The following CACNA1C variants were observed in gnomAD, a reference collection of about 807,000 sequenced individuals.
CACNA1C encodes voltage-dependent L-type calcium channel subunit alpha-1C.
A neutral mutation model predicts 229.0 loss-of-function variants in CACNA1C; 30 were observed. The observed-to-expected ratio is 0.13, with a 90% confidence interval of 0.10 to 0.18. The LOEUF is 0.18. Ranked by LOEUF, CACNA1C falls within the 10% of genes least tolerant of loss-of-function variation. The pLI is 1.00. For missense variants in CACNA1C, 1,658 were observed against 2,845.0 expected, an observed-to-expected ratio of 0.58 and a Z score of 9.49; for synonymous variants, 1,114 against 1,132.5, an observed-to-expected ratio of 0.98 and a Z score of 0.33.
intron 3 of CACNA1C, among the ~76,000 whole-genome samples, chr12:2,431,043 G>A (rs1352098107): frequency 6.6e-6 from 1 of 152,178 alleles, no homozygotes; most frequent in African/African-American, 2.4e-5. Context: ...ATTGACGGGT[G>A]GCCATGGGCA....
intron 28 of CACNA1C, 51 bp downstream of exon 28, chr12:2,610,750 T>G: frequency 1.3e-6 from 2 of 1,597,224 alleles, no homozygotes; most frequent in Non-Finnish European, 1.7e-6. Flanking sequence ...GAGTGTGCCA[T>G]GGGGATGGAA....
chr12:2,012,488 C>A (rs2044613045), intron 1 of CACNA1C, among the ~76,000 whole-genome samples: 1 of 152,182 alleles, frequency 6.6e-6, no homozygotes, highest in Non-Finnish European at 1.5e-5. Context: ...TATTTACTAT[C>A]TAGTCCTTTA....
chr12:2,389,188 G>C (rs1261126917), intron 3 of CACNA1C, among the ~76,000 whole-genome samples: 3 of 152,108 alleles, frequency 2.0e-5, no homozygotes, highest in Non-Finnish European at 2.9e-5. Context: ...GGTGAACAGA[G>C]TCCCCTGTTC....
intron 9 of CACNA1C, among the ~76,000 whole-genome samples, chr12:2,525,503 C>T (rs913407155): frequency 1.3e-5 from 2 of 152,218 alleles, no homozygotes; most frequent in East Asian, 3.9e-4. Flanking sequence ...TTTGTCCTGC[C>T]TGCTCCTTGG....
At chr12:2,531,698 G>C (rs1320948015) in intron 9 of CACNA1C, among the ~76,000 whole-genome samples, 2 of 152,186 alleles carry the variant, frequency 1.3e-5, no homozygotes, top group Non-Finnish European at 1.5e-5. Flanking sequence ...CACGCATCCA[G>C]CAGCTGACTC....
chr12:2,549,409 G>A (rs148232792), intron 9 of CACNA1C, among the ~76,000 whole-genome samples: 113 of 152,322 alleles, frequency 7.4e-4, no homozygotes, highest in African/African-American at 2.4e-3. Flanking sequence ...GCTCCTGGGT[G>A]TAACCAACTG....
intron 3 of CACNA1C, among the ~76,000 whole-genome samples, chr12:2,179,537 A>C (rs186836406): frequency 1.4e-4 from 22 of 152,318 alleles, no homozygotes; most frequent in African/African-American, 4.8e-4. Context: ...CCGGGCTCTG[A>C]ATACTGAACA....
At chr12:2,136,258 G>T (rs2093473046) in intron 3 of CACNA1C, among the ~76,000 whole-genome samples, 1 of 151,386 alleles carries the variant, frequency 6.6e-6, no homozygotes, top group African/African-American at 2.4e-5. Flanking sequence ...CCCGTCTTCT[G>T]CGTCGGTCAC....
intron 1 of CACNA1C, among the ~76,000 whole-genome samples, chr12:2,058,891 T>C (rs939885861): frequency 6.6e-6 from 1 of 152,204 alleles, no homozygotes; most frequent in African/African-American, 2.4e-5. Context: ...TGTGTTTTAA[T>C]TCCTAGATGG....
At chr12:2,445,510 C>G (rs2099268883) in intron 3 of CACNA1C, among the ~76,000 whole-genome samples, 1 of 152,188 alleles carries the variant, frequency 6.6e-6, no homozygotes, top group Admixed American at 6.5e-5. Flanking sequence ...ACAAATGTTA[C>G]ATGGCATGGA....
In CACNA1C at chr12:2,688,680, C is replaced by T. The variant is rs368817423; in HGVS notation, c.6018C>T (p.Ser2006=). 4.9e-5 allele frequency: 79 copies of T among 1,613,038 alleles called. No individual in the cohort carries two copies. The African/African-American group carries it at 7.1e-4, about 14-fold the overall frequency. Reference sequence around the variant, plus strand: ...CCACCCCCGGTGGCGGGGGCAGCAGCGCCGCCCGGAGAGTCCGGCCCGTCT... The same window carrying T: ...CCACCCCCGGTGGCGGGGGCAGCAGTGCCGCCCGGAGAGTCCGGCCCGTCT... The part of the protein sequence containing the change: ...AETTPGGGGS[S]AARRVRPVSL... The change falls in exon 46 of 47, where the codon AGC becomes AGT. Residue 2006 remains serine (S), a synonymous_variant. Coordinates refer to ENST00000399655, the MANE Select transcript of CACNA1C (RefSeq NM_000719.7).
At chr12:2,538,155 A>T (rs1374097850) in intron 9 of CACNA1C, among the ~76,000 whole-genome samples, 1 of 152,158 alleles carries the variant, frequency 6.6e-6, no homozygotes, top group Non-Finnish European at 1.5e-5. Flanking sequence ...GCAGGCATTT[A>T]TGCCTCCTCC....
chr12:2,495,867 G>A lies in CACNA1C; in HGVS notation c.1113+2481G>A, dbSNP rs554663469. 1.1e-4 allele frequency among the ~76,000 whole-genome samples: 16 copies of A among 152,276 alleles called. 1 individual carries two copies. In the East Asian group the frequency reaches 1.7e-3, roughly 17 times the overall value. ...ATACACACACCTAAAACTGAAACTT[G>A]GGTATTCATGATAGAAGCCCTGCCT... is the stretch of plus-strand genomic sequence containing the variant. On this transcript the variant is annotated intron_variant, in intron 7 of 46. Coordinates refer to ENST00000399655, the MANE Select transcript of CACNA1C (RefSeq NM_000719.7).
chr12:2,299,413 G>A (rs778146625), intron 3 of CACNA1C, among the ~76,000 whole-genome samples: 1 of 152,182 alleles, frequency 6.6e-6, no homozygotes, highest in Non-Finnish European at 1.5e-5. Flanking sequence ...CTGCCCAGCT[G>A]TGTACCATTT....
intron 3 of CACNA1C, among the ~76,000 whole-genome samples, chr12:2,293,427 T>C (rs945135977): frequency 1.2e-4 from 19 of 152,236 alleles, no homozygotes; most frequent in African/African-American, 4.1e-4. Flanking sequence ...TTTTCAGCCC[T>C]GTGACTCCAT....
At chr12:2,190,859 C>G (rs1598571842) in intron 3 of CACNA1C, among the ~76,000 whole-genome samples, 1 of 152,326 alleles carries the variant, frequency 6.6e-6, no homozygotes, top group Admixed American at 6.5e-5. Flanking sequence ...GTGCCATCCT[C>G]TCAGGCCTTG....
intron 29 of CACNA1C, among the ~76,000 whole-genome samples, chr12:2,616,082 T>A (rs2080398875): frequency 1.3e-5 from 2 of 152,186 alleles, no homozygotes; most frequent in Admixed American, 6.5e-5. Flanking sequence ...GCCTTGACCC[T>A]GGCAGCTCTC....
At position 2,486,847 on chromosome 12, in the gene CACNA1C, C is replaced by T. The variant is rs1030154074; in HGVS notation, c.916+585C>T. On this transcript the variant is annotated intron_variant, in intron 6 of 46. Transcript: ENST00000399655. This position sits in a 1 kb window ranked among gnomAD's most constrained non-coding sequence, Gnocchi z 4.9. ...GGGCAGGTGGGAATCACCCCCTTGCCGGCAGCCAAACTTCCTCCCTTCAAG... is the reference window on the plus strand; with the variant it reads ...GGGCAGGTGGGAATCACCCCCTTGCTGGCAGCCAAACTTCCTCCCTTCAAG... Among the ~76,000 whole-genome samples the T allele has an allele frequency of 2.0e-5, 3 of 152,154 alleles. No individual in the cohort carries two copies. Among genetic ancestry groups the T allele is most frequent in the Non-Finnish European group, 2.9e-5 (2 of 68,014 alleles).
At chr12:2,062,664 A>G (rs1180518884) in intron 1 of CACNA1C, among the ~76,000 whole-genome samples, 3 of 151,984 alleles carry the variant, frequency 2.0e-5, no homozygotes, top group African/African-American at 4.8e-5. Context: ...CCTTATTCCC[A>G]GGGTTTCTGC....
Sources: gnomAD v4.1 joint callset for allele counts (sites outside exome capture counted in the v4.1 genomes callset) on GRCh38, gnomAD v4.1.1 for gene constraint, Gnocchi (gnomAD v3.1) non-coding constraint, MANE v1.5 for transcripts, NCBI Gene and HGNC (gene_info 2026-07-23, HGNC 2026-07-21) for gene names.